The following CHD9 variants were observed in gnomAD, a reference collection of about 807,000 sequenced individuals.
CHD9 encodes the protein ATP-dependent chromatin remodeler CHD9.
Under a neutral mutation model 316.1 loss-of-function variants are expected in CHD9, and 77 were observed. The ratio of observed to expected loss-of-function variants is 0.24; its 90% CI spans 0.20 to 0.29. The LOEUF is 0.29. CHD9 is among the 10% of genes least tolerant of loss of function. The probability of loss-of-function intolerance (pLI) is 1.00; values close to 1 mark genes in which losing one functional copy is unlikely to be tolerated. For synonymous variants in CHD9, 1,129 were observed against 1,158.3 expected (o/e 0.97, Z 0.51); for missense variants, 2,763 against 3,438.1 (o/e 0.80, Z 4.91).
chr16:53,253,631 T>C (rs7191436), intron 17 of CHD9, among the ~76,000 whole-genome samples: 47,773 of 151,978 alleles, frequency 0.31, 7,689 homozygotes, highest in Middle Eastern at 0.39. Flanking sequence ...AAAAGATTGT[T>C]GATAATGTAA....
intron 1 of CHD9, chr16:53,122,248 C>G (rs1325153735): frequency 1.3e-5 from 2 of 151,900 alleles, no homozygotes; most frequent in African/African-American, 4.8e-5. Context: ...GAATAATAAT[C>G]TCTTCTGTAG....
At chr16:53,178,436 T>C (rs912782937) in intron 2 of CHD9, among the ~76,000 whole-genome samples, 1 of 145,668 alleles carries the variant, frequency 6.9e-6, no homozygotes, top group African/African-American at 2.5e-5. Flanking sequence ...TCTTTTTTTT[T>C]TTTTTTTTTT....
chr16:53,267,616 A>G, intron 21 of CHD9, 126 bp downstream of exon 21: 3 of 681,170 alleles, frequency 4.4e-6, no homozygotes, highest in Non-Finnish European at 7.0e-6. Flanking sequence ...AAAGTACTCT[A>G]TTTTTAGCAT....
intron 3 of CHD9, among the ~76,000 whole-genome samples, chr16:53,213,216 T>C (rs577033603): frequency 2.0e-5 from 3 of 152,314 alleles, no homozygotes; most frequent in African/African-American, 7.2e-5. Flanking sequence ...AGATACAGTT[T>C]GAAATGTGTC....
chr16:53,170,034 A>G (rs1315792452), intron 2 of CHD9, among the ~76,000 whole-genome samples: 4 of 149,784 alleles, frequency 2.7e-5, no homozygotes, highest in Admixed American at 6.7e-5. Flanking sequence ...AATTCAGGTT[A>G]AGCAGTTTTT....
chr16:53,276,209 A>G (rs538328718), intron 24 of CHD9, among the ~76,000 whole-genome samples: 1 of 152,284 alleles, frequency 6.6e-6, no homozygotes, highest in South Asian at 2.1e-4. Context: ...CTTCTGTTCT[A>G]GATATCTATT....
In CHD9 at chr16:53,156,357, G is replaced by A. The variant is rs773054321; in HGVS notation, c.268G>A (p.Ala90Thr). 1.2e-6 allele frequency: 2 copies of A among 1,613,978 alleles called. No individual in the cohort carries two copies. The highest frequency in any genetic ancestry group is 3.3e-5 in the Admixed American group (2 of 60,028). The change falls in exon 2 of 39, where the codon GCT (alanine) becomes ACT (threonine). Residue 90 changes from alanine to threonine, a missense_variant. Physicochemically the swap from Ala to Thr is moderately conservative, Grantham distance 58. Around this residue, in one of 15 missense-constraint regions of CHD9, gnomAD observed 859 missense variants for 890.4 expected, o/e 0.96. Transcript: ENST00000447540. ...HHVNQSFGSP[A>T]EHVLSPHSQF... ...TGTTAATCAATCTTTTGGTAGCCCA[G>A]CTGAACATGTGTTATCTCCACACTC...
At chr16:53,263,454 TAAG>T (rs2051339355) in intron 20 of CHD9, among the ~76,000 whole-genome samples, 1 of 152,120 alleles carries the variant, frequency 6.6e-6, no homozygotes, top group African/African-American at 2.4e-5. Context: ...AAAATGTAAA[TAAG>T]AGGAGAAAAA....
At chr16:53,255,215 A>G (rs2050490050) in intron 18 of CHD9, among the ~76,000 whole-genome samples, 1 of 152,188 alleles carries the variant, frequency 6.6e-6, no homozygotes, top group South Asian at 2.1e-4. Context: ...AAGTTGAGGC[A>G]GGAGACTCGC....
At position 53,217,555 on chromosome 16, in the gene CHD9, G is replaced by C. The variant is rs771610999; in HGVS notation, c.1785-5089G>C. Among the ~76,000 whole-genome samples the C allele has an allele frequency of 6.6e-5, 10 of 152,222 alleles. No homozygotes were observed. In the East Asian group the frequency reaches 1.9e-3, roughly 29 times the overall value. On this transcript the variant is annotated intron_variant, in intron 3 of 38. Transcript: ENST00000447540. ...AGGCGTGAGCCACCACACCTGTCTAGAATCTGTATTTTAAATAGCTTTCAT... is the reference window on the plus strand; with the variant it reads ...AGGCGTGAGCCACCACACCTGTCTACAATCTGTATTTTAAATAGCTTTCAT...
At chr16:53,235,106 T>A in intron 10 of CHD9, 79 bp from the exon 11 acceptor site, 1 of 1,228,348 alleles carries the variant, frequency 8.1e-7, no homozygotes. Flanking sequence ...CTTAGGGTTA[T>A]TTTTAAACCA....
intron 1 of CHD9, among the ~76,000 whole-genome samples, chr16:53,063,358 T>TCACACACACA (rs67988137): frequency 0.021 from 2,853 of 137,070 alleles, 45 homozygotes; most frequent in Non-Finnish European, 0.028. Flanking sequence ...CTCATAAATT[T>TCACACACACA]CACACACACA....
At chr16:53,208,512 C>T (rs2046067637) in intron 2 of CHD9, 7 of 1,099,652 alleles carry the variant, frequency 6.4e-6, no homozygotes, top group South Asian at 2.1e-5. Context: ...TTGTTATAGC[C>T]TGTAGGCCTT....
chr16:53,255,961 T>C (rs983604435), intron 19 of CHD9, among the ~76,000 whole-genome samples, 182 bp downstream of exon 19: 3 of 152,226 alleles, frequency 2.0e-5, no homozygotes, highest in Admixed American at 6.5e-5. Flanking sequence ...ACTTTTCTGA[T>C]CCTTGTGAAA....
chr16:53,270,304 A>G (rs752220708), intron 22 of CHD9, among the ~76,000 whole-genome samples: 3 of 151,974 alleles, frequency 2.0e-5, no homozygotes, highest in Admixed American at 1.3e-4. Flanking sequence ...ATTGAAACAA[A>G]TAACCCAGAG....
At chr16:53,091,161 G>A (rs2035911601) in intron 1 of CHD9, among the ~76,000 whole-genome samples, 1 of 152,180 alleles carries the variant, frequency 6.6e-6, no homozygotes, top group Admixed American at 6.5e-5. Context: ...TTCCTCCTGG[G>A]GGTTCAGAGT....
At chr16:53,127,239 G>A (rs958193032) in intron 1 of CHD9, among the ~76,000 whole-genome samples, 7 of 152,200 alleles carry the variant, frequency 4.6e-5, no homozygotes, top group Admixed American at 2.6e-4. Context: ...TGGGATTACA[G>A]GTGTGAGCCA....
intron 22 of CHD9, among the ~76,000 whole-genome samples, chr16:53,272,957 C>T (rs1398142823): frequency 1.3e-5 from 2 of 151,890 alleles, no homozygotes; most frequent in African/African-American, 2.4e-5. Flanking sequence ...GGCGTGGTGG[C>T]GCATGCCTGT....
At chr16:53,144,808 G>A (rs570865697) in intron 1 of CHD9, among the ~76,000 whole-genome samples, 153 of 151,850 alleles carry the variant, frequency 1.0e-3, no homozygotes, top group African/African-American at 3.5e-3. Context: ...ACAGGCGTGA[G>A]CCACCACGCC....
Sources: allele counts gnomAD v4.1 joint callset (sites outside exome capture counted in the v4.1 genomes callset), GRCh38; gene constraint gnomAD v4.1.1; regional missense constraint gnomAD v4.1.1; transcripts MANE v1.5; gene names NCBI Gene and HGNC (gene_info 2026-07-23, HGNC 2026-07-21).